C1GALT1: variants seen among roughly 807,000 people sequenced by gnomAD.
C1GALT1 encodes glycoprotein-N-acetylgalactosamine 3-beta-galactosyltransferase 1.
C1GALT1 carries 11 observed loss-of-function variants against 31.0 expected under a neutral mutation model. The ratio of observed to expected loss-of-function variants is 0.36; its 90% CI spans 0.22 to 0.59. C1GALT1 has a LOEUF of 0.59. Ranked by LOEUF, C1GALT1 falls within the 20% of genes least tolerant of loss-of-function variation. C1GALT1 has a pLI of 0.79. For missense variants in C1GALT1, 424 were observed against 425.2 expected (o/e 1.00, Z 0.03); for synonymous variants, 175 against 143.6 (o/e 1.22, Z -1.56).
intron 3 of C1GALT1, among the ~76,000 whole-genome samples, chr7:7,241,166 A>C (rs78025920): frequency 6.6e-6 from 1 of 152,046 alleles, no homozygotes; most frequent in South Asian, 2.1e-4. Context: ...AATATGATCT[A>C]CTTTATTCAG....
In C1GALT1 at chr7:7,246,051, G is replaced by GTGAA. The variant is rs537833842; in HGVS notation, c.*2329_*2332dup. 2.7e-3 allele frequency: 406 copies of GTGAA among 152,266 alleles called. 1 individual carries two copies. Among genetic ancestry groups the GTGAA allele is most frequent in the African/African-American group, 9.0e-3 (373 of 41,548 alleles). The allele number at this position is 152,266 out of a possible 1,614,324, so 9.4% of individuals were successfully genotyped here. A position where few individuals can be genotyped will look rare whatever the true frequency, so the allele number is the denominator to read the frequency against. Reference sequence around the variant, plus strand: ...CTTGGAGTGTAAGTACTGCATTTAAGTGAATGAAAAATTTGCTTTGACCAG... The same window carrying GTGAA: ...CTTGGAGTGTAAGTACTGCATTTAAGTGAATGAATGAAAAATTTGCTTTGACCAG... On this transcript the variant is annotated 3_prime_UTR_variant, in exon 4 of 4. Coordinates refer to ENST00000436587, the MANE Select transcript of C1GALT1 (RefSeq NM_020156.5).
rs1783904785 is a variant in C1GALT1 at position 7,247,727 on chromosome 7, CTTCT to C, written c.*4003_*4006del. ...CAGTTTCTGCCTGGTGTTTATTGCCCTTCTTTGTTTGCTTTATTACTAACTTCCA... is the reference window on the plus strand; with the variant it reads ...CAGTTTCTGCCTGGTGTTTATTGCCCTTGTTTGCTTTATTACTAACTTCCA... On this transcript the variant is annotated 3_prime_UTR_variant, in exon 4 of 4. Coordinates refer to ENST00000436587, the MANE Select transcript of C1GALT1 (RefSeq NM_020156.5). 1 of 151,952 alleles carries C rather than the reference CTTCT, an allele frequency of 6.6e-6. No homozygotes were observed. The highest frequency in any genetic ancestry group is 1.5e-5 in the Non-Finnish European group (1 of 67,910). The allele number at this position is 151,952 out of a possible 1,614,324, so 9.4% of individuals were successfully genotyped here.
upstream of C1GALT1, chr7:7,178,237 T>C: frequency 4.3e-6 from 1 of 230,746 alleles, no homozygotes; most frequent in South Asian, 7.8e-5. Flanking sequence ...CTGAGAAATG[T>C]AGACAGACCT....
intron 1 of C1GALT1, among the ~76,000 whole-genome samples, chr7:7,220,100 T>G (rs1200113103): frequency 6.6e-6 from 1 of 152,174 alleles, no homozygotes; most frequent in African/African-American, 2.4e-5. Context: ...AAGAGTTGAG[T>G]GGCTGAGTAA....
At chr7:7,179,619 A>G (rs1261984249), upstream of C1GALT1, among the ~76,000 whole-genome samples, 2 of 152,188 alleles carry the variant, frequency 1.3e-5, no homozygotes, top group African/African-American at 2.4e-5. Flanking sequence ...GTCAACTAAG[A>G]ATTGCATTTG....
At chr7:7,164,322 C>T (rs1224399612) in intron 2 of C1GALT1, among the ~76,000 whole-genome samples, 1 of 152,130 alleles carries the variant, frequency 6.6e-6, no homozygotes, top group Non-Finnish European at 1.5e-5. Flanking sequence ...TCATGTGGAA[C>T]ATTAATGTTA....
chr7:7,198,568 T>A (rs992816075), intron 1 of C1GALT1, among the ~76,000 whole-genome samples: 10 of 152,226 alleles, frequency 6.6e-5, no homozygotes, highest in Non-Finnish European at 1.3e-4. Flanking sequence ...TAGGGAGGAT[T>A]CCCTCTTTTT....
intron 2 of C1GALT1, among the ~76,000 whole-genome samples, chr7:7,176,688 C>T (rs1780509513): frequency 1.3e-5 from 2 of 152,114 alleles, no homozygotes; most frequent in African/African-American, 2.4e-5. Flanking sequence ...TTCTTTATTT[C>T]TTCCTCTGCT....
At chr7:7,197,427 C>T (rs576224477) in intron 1 of C1GALT1, among the ~76,000 whole-genome samples, 42 of 152,036 alleles carry the variant, frequency 2.8e-4, no homozygotes, top group Admixed American at 2.2e-3. Context: ...CAGTACCATG[C>T]TGTTTTGGTT....
In C1GALT1 at chr7:7,212,990, T is replaced by A. The variant is rs192977002; in HGVS notation, c.-17-21313T>A. On this transcript the variant is annotated intron_variant, in intron 1 of 3. Coordinates refer to ENST00000436587, the MANE Select transcript of C1GALT1 (RefSeq NM_020156.5). ...AATTATTAAAAGGTCATAAATAGTT[T>A]AGAATAAGTTTCCTTGACTCTGAAA... is the stretch of plus-strand genomic sequence containing the variant. 2.1e-4 allele frequency among the ~76,000 whole-genome samples: 32 copies of A among 152,312 alleles called. No individual in the cohort carries two copies. The East Asian group carries it at 3.7e-3, about 17-fold the overall frequency.
chr7:7,187,351 G>A (rs1020550934), intron 1 of C1GALT1, among the ~76,000 whole-genome samples: 6 of 151,790 alleles, frequency 4.0e-5, no homozygotes, highest in Non-Finnish European at 7.4e-5. Flanking sequence ...CTGGGTTCAC[G>A]CCATTCTCCT....
chr7:7,193,083 A>G (rs1184200753), intron 1 of C1GALT1, among the ~76,000 whole-genome samples: 2 of 152,022 alleles, frequency 1.3e-5, no homozygotes. Context: ...TAGTTTACCA[A>G]GATTTTCTCC....
At chr7:7,207,608 C>G (rs1205053904) in intron 1 of C1GALT1, among the ~76,000 whole-genome samples, 1 of 151,756 alleles carries the variant, frequency 6.6e-6, no homozygotes, top group African/African-American at 2.4e-5. Flanking sequence ...ACAGATCTAC[C>G]ATCGGGTCTT....
chr7:7,213,991 C>T (rs970608135), intron 1 of C1GALT1, among the ~76,000 whole-genome samples: 3 of 152,204 alleles, frequency 2.0e-5, no homozygotes, highest in Admixed American at 6.5e-5. Context: ...ATGGGAGGCT[C>T]ATCTCCCAGT....
intron 2 of C1GALT1, among the ~76,000 whole-genome samples, chr7:7,158,693 AT>A (rs1317421973): frequency 1.3e-5 from 2 of 151,618 alleles, no homozygotes; most frequent in Non-Finnish European, 2.9e-5. Flanking sequence ...TTCATCTATA[AT>A]TTTATAAAAG....
intron 1 of C1GALT1, among the ~76,000 whole-genome samples, chr7:7,224,071 T>A (rs1311882722): frequency 1.3e-5 from 2 of 152,216 alleles, no homozygotes; most frequent in African/African-American, 4.8e-5. Flanking sequence ...GATTTTTAAA[T>A]GTTGAACCAT....
chr7:7,242,601 C>T (rs1174914858), intron 3 of C1GALT1, among the ~76,000 whole-genome samples: 1 of 152,024 alleles, frequency 6.6e-6, no homozygotes, highest in Non-Finnish European at 1.5e-5. Context: ...GTTGGAGTCA[C>T]CTGGATGACA....
At position 7,183,611 on chromosome 7, in the gene C1GALT1, T is replaced by A. The variant is rs1235063720; in HGVS notation, c.-18+791T>A. ...TGAATTTGGGTAAGTCGTACACTCT[T>A]AAAAGATGACCATAATTTAGCGCTG... On this transcript the variant is annotated intron_variant, in intron 1 of 3. Transcript: ENST00000436587. 5.1e-6 allele frequency: 5 copies of A among 983,982 alleles called. No homozygotes were observed. The East Asian group carries it at 5.7e-4, about 112-fold the overall frequency. The allele number at this position is 983,982 out of a possible 1,614,324, so 61.0% of individuals were successfully genotyped here. A position where few individuals can be genotyped will look rare whatever the true frequency, so the allele number is the denominator to read the frequency against.
In C1GALT1 at chr7:7,238,901, C is replaced by CAA; in HGVS notation, c.868_869dup (p.Asn290LysfsTer7). ...CTAGAACGTTTTGGTACTGGAATTA[C>CAA]AACTATTATCCTCCTGTAGAGGTAA... On this transcript the variant is annotated frameshift_variant, in exon 3 of 4. Transcript: ENST00000436587. LOFTEE classifies it high-confidence loss of function. This position sits in a 1 kb window ranked among gnomAD's most constrained non-coding sequence, Gnocchi z 5.2. 1 of 1,612,376 alleles carries CAA rather than the reference C, an allele frequency of 6.2e-7. No individual in the cohort carries two copies. Among genetic ancestry groups the CAA allele is most frequent in the Non-Finnish European group, 8.5e-7 (1 of 1,179,146 alleles).
Sources: gnomAD v4.1 joint callset for allele counts (sites outside exome capture counted in the v4.1 genomes callset) on GRCh38, gnomAD v4.1.1 for gene constraint, Gnocchi (gnomAD v3.1) non-coding constraint, MANE v1.5 for transcripts, NCBI Gene and HGNC (gene_info 2026-07-23, HGNC 2026-07-21) for gene names.